ARHGEF18: variants seen among roughly 807,000 people sequenced by gnomAD.
The protein encoded by ARHGEF18 is rho guanine nucleotide exchange factor 18.
In ARHGEF18, 93 loss-of-function variants were observed where a neutral mutation model predicts 155.7. The observed-to-expected ratio is 0.60, with a 90% CI of 0.50 to 0.71. The LOEUF (loss-of-function observed/expected upper bound fraction) is 0.71, where lower values mean the gene tolerates loss of function less well. Ranked by LOEUF, ARHGEF18 falls within the 30% of genes least tolerant of loss-of-function variation. ARHGEF18 has a pLI of 0.00. For synonymous variants in ARHGEF18, 742 were observed against 753.1 expected, an observed-to-expected ratio of 0.99 and a Z score of 0.24; for missense variants, 1,593 against 1,816.1, an observed-to-expected ratio of 0.88 and a Z score of 2.23.
rs1478417861 is a variant in ARHGEF18, at chr19:7,353,699, T to A, written c.-111+4458T>A. 2.0e-5 allele frequency among the ~76,000 whole-genome samples: 3 copies of A among 152,006 alleles called. No individual in the cohort carries two copies. The East Asian group carries it at 5.8e-4, about 29-fold the overall frequency. On this transcript the variant is annotated intron_variant, in intron 1 of 28. Coordinates refer to ENST00000668164, the MANE Select transcript of ARHGEF18 (RefSeq NM_001367823.1). Reference sequence around the variant, plus strand: ...CAGGTGTGGTGGCTCACACCTGTAATCCCAGTACTTTCGGAGGCCGAGGTG... The same window carrying A: ...CAGGTGTGGTGGCTCACACCTGTAAACCCAGTACTTTCGGAGGCCGAGGTG...
Position 7,395,055 on chromosome 19 carries a change from C to CT in ARHGEF18, c.967+11854dup. ...CGCCCCGCCCTCGAGGGCACGCCTC[C>CT]TTCCGGGTCACGCCCTCTGCCCCGC... On this transcript the variant is annotated intron_variant, in intron 10 of 28. Transcript: ENST00000668164. The surrounding 1 kb of genome is among the most constrained non-coding windows in gnomAD (Gnocchi z 5.0). 2.0e-6 allele frequency: 2 copies of CT among 985,448 alleles called. No individual in the cohort carries two copies. Among genetic ancestry groups the CT allele is most frequent in the Non-Finnish European group, 2.4e-6 (2 of 829,930 alleles). The allele number at this position is 985,448 out of a possible 1,614,324, so 61.0% of individuals were successfully genotyped here. A position where few individuals can be genotyped will look rare whatever the true frequency, so the allele number is the denominator to read the frequency against.
intron 10 of ARHGEF18, among the ~76,000 whole-genome samples, chr19:7,385,875 CCTCCCTCTCT>C (rs1971015827): frequency 2.9e-5 from 2 of 68,124 alleles, no homozygotes; most frequent in Admixed American, 2.7e-4. Flanking sequence ...CTCTCTCCCC[CCTCCCTCTCT>C]CCCTCCCTCC....
At chr19:7,351,263 G>A (rs1969148810) in intron 1 of ARHGEF18, among the ~76,000 whole-genome samples, 1 of 152,198 alleles carries the variant, frequency 6.6e-6, no homozygotes, top group African/African-American at 2.4e-5. Context: ...TCATACCCAT[G>A]GTGGATCTCA....
Position 7,395,149 on chromosome 19 carries a change from G to T in ARHGEF18, c.967+11946G>T, listed in dbSNP as rs1971620362. On this transcript the variant is annotated intron_variant, in intron 10 of 28. Transcript: ENST00000668164. This position sits in a 1 kb window ranked among gnomAD's most constrained non-coding sequence, Gnocchi z 5.0. ...TCCCGCTTCCGGCTCCCAGCTGCTA[G>T]CTACTGTGGATCTGGGGGGGCCGGA... is the stretch of plus-strand genomic sequence containing the variant. The T allele has an allele frequency of 1.0e-6, 1 of 985,564 alleles. No homozygotes were observed. The highest frequency in any genetic ancestry group is 1.2e-6 in the Non-Finnish European group (1 of 830,120). 61.1% of individuals were successfully genotyped at this position (985,564 alleles called of 1,614,324 possible).
In ARHGEF18 at chr19:7,456,328, T is replaced by G. The variant is rs1373858603; in HGVS notation, c.2106T>G (p.Asp702Glu). 1.2e-6 allele frequency: 2 copies of G among 1,614,136 alleles called. No individual in the cohort carries two copies. The highest frequency in any genetic ancestry group is 1.7e-6 in the Non-Finnish European group (2 of 1,179,976). The change falls in exon 18 of 29, where the codon GAT becomes GAG. Residue 702 changes from aspartate (D) to glutamate (E), a missense_variant and splice_region_variant. Coordinates refer to ENST00000668164, the MANE Select transcript of ARHGEF18 (RefSeq NM_001367823.1). ...CWKTTSGRLKDILAILLTDVL... is the reference protein window; with the variant it reads ...CWKTTSGRLKEILAILLTDVL... ...CATCCTTCCATGCTGTTTTCCCAGA[T>G]ATCCTGGCTATCCTGCTGACCGACG...
intron 2 of ARHGEF18, among the ~76,000 whole-genome samples, chr19:7,363,550 GTGGATGGATACA>G (rs1600188815): frequency 1.3e-5 from 2 of 151,628 alleles, no homozygotes; most frequent in East Asian, 3.9e-4. Context: ...AGAAATGTGG[GTGGATGGATACA>G]TGAATGATTG....
chr19:7,368,000 A>AGAGAGAGG (rs1568270614), intron 2 of ARHGEF18, among the ~76,000 whole-genome samples: 1 of 43,918 alleles, frequency 2.3e-5, no homozygotes, highest in Non-Finnish European at 4.3e-5. Flanking sequence ...AGAGAGAGAG[A>AGAGAGAGG]GGGAGGGAGG....
Position 7,407,286 on chromosome 19 carries a change from T to G in ARHGEF18, c.967+24083T>G, listed in dbSNP as rs559212732. Among the ~76,000 whole-genome samples the G allele has an allele frequency of 2.9e-3, 403 of 141,096 alleles. 1 individual carries two copies. The highest frequency in any genetic ancestry group is 0.01 in the African/African-American group (387 of 37,870). 92.6% of individuals were successfully genotyped at this position (141,096 alleles called of 152,430 possible). On this transcript the variant is annotated intron_variant, in intron 10 of 28. Coordinates refer to ENST00000668164, the MANE Select transcript of ARHGEF18 (RefSeq NM_001367823.1). ...ACTAAAAATGCAAAAATTAGCCGGG[T>G]GTGGTGGCGGGCACCTGTAATCCCA...
At chr19:7,439,333 AG>A (rs1413324880) in intron 10 of ARHGEF18, among the ~76,000 whole-genome samples, 1 of 149,812 alleles carries the variant, frequency 6.7e-6, no homozygotes, top group African/African-American at 2.5e-5. Context: ...GCACACCTGT[AG>A]TCCCAGCTAC....
At position 7,466,947 on chromosome 19, in the gene ARHGEF18, C is replaced by T. The variant is rs1407618753; in HGVS notation, c.2934C>T (p.Pro978=). 7.4e-6 allele frequency: 12 copies of T among 1,613,498 alleles called. No individual in the cohort carries two copies. The highest frequency in any genetic ancestry group is 1.0e-5 in the Non-Finnish European group (12 of 1,180,004). The stretch of plus-strand genomic sequence containing the variant: ...AGGCGCCAGGCACGGAATCCGATCC[C>T]CGTCTGCCCACCGTCCTGGAGTCGG... ...VVEAPGTESD[P]RLPTVLESEL... Residue 978 remains proline (P), a synonymous_variant, in exon 24 of 29, where the codon CCC becomes CCT. Transcript: ENST00000668164.
Position 7,444,506 on chromosome 19 carries a change from C to A in ARHGEF18, c.1611+52C>A. On this transcript the variant is annotated intron_variant, in intron 14 of 28. Transcript: ENST00000668164. The surrounding 1 kb of genome is among the most constrained non-coding windows in gnomAD (Gnocchi z 4.7). Reference sequence around the variant, plus strand: ...AGTCTTCAAAGCCTCTGCCTTGTCTCTGTTCCTTTCTTCTTTTTTTCTGAG... The same window carrying A: ...AGTCTTCAAAGCCTCTGCCTTGTCTATGTTCCTTTCTTCTTTTTTTCTGAG... The A allele has an allele frequency of 6.3e-7, 1 of 1,588,616 alleles. No individual in the cohort carries two copies. The highest frequency in any genetic ancestry group is 1.1e-5 in the South Asian group (1 of 89,286).
At chr19:7,357,108 A>G (rs545561803) in intron 1 of ARHGEF18, among the ~76,000 whole-genome samples, 2 of 152,300 alleles carry the variant, frequency 1.3e-5, no homozygotes, top group African/African-American at 4.8e-5. Context: ...GACTTGCTCG[A>G]GGTCACACAG....
chr19:7,415,866 T>G (rs190546559), intron 10 of ARHGEF18, among the ~76,000 whole-genome samples: 257 of 152,252 alleles, frequency 1.7e-3, no homozygotes, highest in African/African-American at 5.8e-3. Context: ...TGGTAATTCT[T>G]TGTTTAATTT....
intron 2 of ARHGEF18, among the ~76,000 whole-genome samples, chr19:7,367,818 T>TATATATATACACAC (rs1969973346): frequency 2.4e-5 from 3 of 124,058 alleles, no homozygotes; most frequent in South Asian, 2.2e-4. Flanking sequence ...ATATATTTTA[T>TATATATATACACAC]ATATATATAC....
chr19:7,400,064 C>T (rs1971952793), intron 10 of ARHGEF18, among the ~76,000 whole-genome samples: 1 of 152,086 alleles, frequency 6.6e-6, no homozygotes, highest in South Asian at 2.1e-4. Flanking sequence ...AGTCACCATG[C>T]ACGGCTTCAT....
chr19:7,375,378 A>AAAGGAAGG (rs1970406487), intron 3 of ARHGEF18, among the ~76,000 whole-genome samples: 4 of 122,418 alleles, frequency 3.3e-5, no homozygotes, highest in Admixed American at 8.5e-5. Context: ...AGGAAGGAAG[A>AAAGGAAGG]AAGAAAAGGA....
Position 7,396,571 on chromosome 19 carries a change from C to T in ARHGEF18, c.967+13368C>T, listed in dbSNP as rs1274403868. 5.9e-5 allele frequency among the ~76,000 whole-genome samples: 9 copies of T among 152,044 alleles called. No individual in the cohort carries two copies. The South Asian group carries it at 8.3e-4, about 14-fold the overall frequency. On this transcript the variant is annotated intron_variant, in intron 10 of 28. Transcript: ENST00000668164. ...TCTCTACTAAAATACAAAAATTAGC[C>T]GGGCATGGTAGCGGGCGCCTGTAGT...
At chr19:7,415,608 C>T (rs1458543617) in intron 10 of ARHGEF18, among the ~76,000 whole-genome samples, 1 of 152,078 alleles carries the variant, frequency 6.6e-6, no homozygotes, top group Non-Finnish European at 1.5e-5. Flanking sequence ...CTCCACCCTG[C>T]CCTTTCCTTT....
At chr19:7,373,459 G>GTTTTTTTTTTTT (rs1352283681) in intron 3 of ARHGEF18, among the ~76,000 whole-genome samples, 2 of 113,628 alleles carry the variant, frequency 1.8e-5, no homozygotes, top group African/African-American at 9.9e-5. Context: ...TTGTTTTTGT[G>GTTTTTTTTTTTT]TTTGTTTTTT....
Sources: allele counts gnomAD v4.1 joint callset (sites outside exome capture counted in the v4.1 genomes callset), GRCh38; gene constraint gnomAD v4.1.1; non-coding constraint Gnocchi (gnomAD v3.1); transcripts MANE v1.5; gene names NCBI Gene and HGNC (gene_info 2026-07-23, HGNC 2026-07-21).